The following ADGRF1 variants were observed in gnomAD, a reference collection of about 807,000 sequenced individuals.
The protein encoded by ADGRF1 is adhesion G protein-coupled receptor F1, also known as G protein-coupled receptor 110.
In ADGRF1, 85 loss-of-function variants were observed where a neutral mutation model predicts 87.2. The observed-to-expected ratio is 0.97, with a 90% CI of 0.82 to 1.17. The LOEUF (loss-of-function observed/expected upper bound fraction) is 1.17. Among genes scored for constraint, ADGRF1 ranks in the 50% most tolerant of loss-of-function variants. ADGRF1 has a pLI of 0.00. For missense variants in ADGRF1, 1,169 were observed against 1,077.2 expected (o/e 1.09, Z -1.19); for synonymous variants, 430 against 408.8 (o/e 1.05, Z -0.63).
chr6:47,031,232 G>T (rs1043851631), intron 1 of ADGRF1, among the ~76,000 whole-genome samples: 5 of 151,938 alleles, frequency 3.3e-5, no homozygotes, highest in African/African-American at 1.2e-4. Context: ...GACCTGGCCT[G>T]CATACTGCTC....
At position 46,999,986 on chromosome 6, in the gene ADGRF1, T is replaced by C. The variant is rs1031232451; in HGVS notation, c.*236A>G. 7 of 427,610 alleles carry C rather than the reference T, an allele frequency of 1.6e-5. No individual in the cohort carries two copies. The highest frequency in any genetic ancestry group is 7.5e-5 in the Admixed American group (2 of 26,624). 26.5% of individuals were successfully genotyped at this position (427,610 alleles called of 1,614,324 possible). ...TGACACGATTTCCAACAAAACCTAC[T>C]CTTCTGCATTTATGGAGCACTTTCT... is the stretch of plus-strand genomic sequence containing the variant. On this transcript the variant is annotated 3_prime_UTR_variant, in exon 15 of 15. Coordinates refer to ENST00000371253, the MANE Select transcript of ADGRF1 (RefSeq NM_153840.4).
intron 1 of ADGRF1, among the ~76,000 whole-genome samples, chr6:47,031,365 CTCTCT>C (rs1561881145): frequency 2.7e-5 from 4 of 149,276 alleles, no homozygotes; most frequent in Non-Finnish European, 5.9e-5. Context: ...CTCTCTCTCT[CTCTCT>C]CTCTCTCTCT....
chr6:47,004,584 G>A (rs931685443), intron 13 of ADGRF1, among the ~76,000 whole-genome samples: 2 of 152,102 alleles, frequency 1.3e-5, no homozygotes, highest in Admixed American at 1.3e-4. Flanking sequence ...GCTTTGCAGG[G>A]TGGGGAGTGT....
Position 47,021,979 on chromosome 6 carries a change from A to G in ADGRF1, c.531T>C (p.Tyr177=), listed in dbSNP as rs1201501423. The G allele has an allele frequency of 1.3e-6, 2 of 1,581,082 alleles. No homozygotes were observed. The highest frequency in any genetic ancestry group is 1.7e-6 in the Non-Finnish European group (2 of 1,159,564). ...TTACTTGAATTTCAATTCCATTTGC[A>G]TATTTGGAGTATATAGCAGAAGATG... ...LNSSSAIYSK[Y]ANGIEIQLKK... The change falls in exon 6 of 15, where the codon TAT becomes TAC. Residue 177 remains tyrosine (Y), a synonymous_variant. Transcript: ENST00000371253.
chr6:47,000,384 C>A, intron 14 of ADGRF1, 89 bp from the exon 15 acceptor site: 2 of 923,172 alleles, frequency 2.2e-6, no homozygotes, highest in South Asian at 3.1e-5. Context: ...TAGATTATTT[C>A]ACAACTAGGA....
intron 1 of ADGRF1, among the ~76,000 whole-genome samples, chr6:47,040,027 A>G (rs1435533794): frequency 1.3e-5 from 2 of 152,150 alleles, no homozygotes; most frequent in Non-Finnish European, 2.9e-5. Flanking sequence ...TATCCAGTCA[A>G]GAAATCTGAA....
chr6:47,018,737 C>A (rs1275521474), intron 7 of ADGRF1: 4 of 308,436 alleles, frequency 1.3e-5, no homozygotes, highest in Non-Finnish European at 2.4e-5. Flanking sequence ...CATGGTGAAA[C>A]CCTTCTTTAT....
At chr6:47,033,833 G>A (rs1780508022) in intron 1 of ADGRF1, among the ~76,000 whole-genome samples, 3 of 152,240 alleles carry the variant, frequency 2.0e-5, no homozygotes. Context: ...AACAGAGACA[G>A]AGGAGAAGAC....
intron 7 of ADGRF1, chr6:47,019,912 C>G (rs905475745): frequency 1.0e-6 from 1 of 985,194 alleles, no homozygotes; most frequent in Non-Finnish European, 1.2e-6. Context: ...TCTTTATTTG[C>G]TGTAAACAAT....
chr6:47,032,389 AT>A (rs138104589), intron 1 of ADGRF1, among the ~76,000 whole-genome samples: 2,136 of 152,248 alleles, frequency 0.014, 52 homozygotes, highest in African/African-American at 0.048. Flanking sequence ...AATAAACAAT[AT>A]TTTTTTAGTT....
chr6:47,033,227 C>T (rs182408538), intron 1 of ADGRF1, among the ~76,000 whole-genome samples: 4 of 152,308 alleles, frequency 2.6e-5, no homozygotes, highest in East Asian at 1.9e-4. Context: ...CATGGTGGGA[C>T]GCCCCCTCCG....
chr6:47,034,281 T>C (rs116018772), intron 1 of ADGRF1, among the ~76,000 whole-genome samples: 3,451 of 152,316 alleles, frequency 0.023, 60 homozygotes, highest in Non-Finnish European at 0.029. Context: ...ATTGTTCTTT[T>C]ATCAATGTCT....
At chr6:47,008,750 C>G (rs1779602016) in intron 11 of ADGRF1, among the ~76,000 whole-genome samples, 195 bp downstream of exon 11, 1 of 152,204 alleles carries the variant, frequency 6.6e-6, no homozygotes, top group Admixed American at 6.5e-5. Flanking sequence ...CTGAAGAAAT[C>G]CAATATTCTG....
At position 46,998,801 on chromosome 6, in the gene ADGRF1, A is replaced by G. The variant is rs1216283612; in HGVS notation, c.*1421T>C. On this transcript the variant is annotated 3_prime_UTR_variant, in exon 15 of 15. Transcript: ENST00000371253. ...CATAAAATTCTGTTGACTCTCATAC[A>G]TATTTGTGGGGTATAGAACCATCTA... 6.6e-6 allele frequency: 1 copy of G among 152,260 alleles called. No homozygotes were observed. Among genetic ancestry groups the G allele is most frequent in the Admixed American group, 6.5e-5 (1 of 15,286 alleles). The allele number at this position is 152,260 out of a possible 1,614,324, so 9.4% of individuals were successfully genotyped here.
chr6:47,024,245 T>C (rs1378300223), intron 4 of ADGRF1, 28 bp from the exon 5 acceptor site: 1 of 1,577,474 alleles, frequency 6.3e-7, no homozygotes. Context: ...CTCAGTCTCA[T>C]GGATTCTGGT....
At chr6:47,013,533 T>C in intron 9 of ADGRF1, 1 of 985,512 alleles carries the variant, frequency 1.0e-6, no homozygotes, top group Non-Finnish European at 1.2e-6. Context: ...ATCTGTGAAC[T>C]GGTCTTGGGG....
chr6:47,018,223 A>C (rs1433951078), intron 7 of ADGRF1: 1 of 424,790 alleles, frequency 2.4e-6, no homozygotes, highest in Non-Finnish European at 3.9e-6. Context: ...ATCCATCAGC[A>C]TACAGATGTG....
chr6:47,017,268 A>G (rs1358610853), intron 7 of ADGRF1: 1 of 152,244 alleles, frequency 6.6e-6, no homozygotes, highest in African/African-American at 2.4e-5. Flanking sequence ...CTCATAGGAC[A>G]TTAGAGTTGC....
Position 46,999,265 on chromosome 6 carries a change from A to G in ADGRF1, c.*957T>C, listed in dbSNP as rs1779292831. 1.3e-5 allele frequency: 2 copies of G among 152,252 alleles called. No individual in the cohort carries two copies. The allele number at this position is 152,252 out of a possible 1,614,324, so 9.4% of individuals were successfully genotyped here. ...TATGAAAGAAAATAAGGATGTTTTAAGGTACCTCCCTGGAAGCTGACAACC... is the reference window on the plus strand; with the variant it reads ...TATGAAAGAAAATAAGGATGTTTTAGGGTACCTCCCTGGAAGCTGACAACC... On this transcript the variant is annotated 3_prime_UTR_variant, in exon 15 of 15. Transcript: ENST00000371253.
Sources: allele counts gnomAD v4.1 joint callset (sites outside exome capture counted in the v4.1 genomes callset), GRCh38; gene constraint gnomAD v4.1.1; transcripts MANE v1.5; gene names NCBI Gene and HGNC (gene_info 2026-07-23, HGNC 2026-07-21).